The following DOCK10 variants were observed in gnomAD, a reference collection of about 807,000 sequenced individuals.
The protein encoded by DOCK10 is dedicator of cytokinesis protein 10.
In DOCK10, 145 loss-of-function variants were observed where a neutral mutation model predicts 280.1. The observed-to-expected ratio is 0.52, with a 90% confidence interval of 0.45 to 0.59. The LOEUF (loss-of-function observed/expected upper bound fraction) is 0.59. Among genes scored for constraint, DOCK10 ranks in the 20% least tolerant of loss-of-function variants. The pLI, the probability that DOCK10 is intolerant of heterozygous loss-of-function variation, is 0.00. For missense variants in DOCK10, 2,368 were observed against 2,651.7 expected, an observed-to-expected ratio of 0.89 and a Z score of 2.35; for synonymous variants, 915 against 942.2, an observed-to-expected ratio of 0.97 and a Z score of 0.53.
intron 24 of DOCK10, among the ~76,000 whole-genome samples, chr2:224,839,038 C>T (rs1037409828): frequency 1.3e-5 from 2 of 152,034 alleles, no homozygotes; most frequent in East Asian, 3.9e-4. Flanking sequence ...TTAAGAGAAA[C>T]GAAGACTTAT....
At chr2:224,806,471 G>C (rs1349961258) in intron 33 of DOCK10, among the ~76,000 whole-genome samples, 1 of 152,106 alleles carries the variant, frequency 6.6e-6, no homozygotes, top group East Asian at 1.9e-4. Context: ...CAATCTTTTA[G>C]ATACAGATAT....
intron 1 of DOCK10, among the ~76,000 whole-genome samples, chr2:225,016,510 T>A (rs1312774415): frequency 6.7e-6 from 1 of 148,976 alleles, no homozygotes; most frequent in Admixed American, 6.7e-5. Flanking sequence ...TACATATATA[T>A]GTATATATCT....
chr2:224,781,013 C>T (rs942509153), intron 50 of DOCK10, among the ~76,000 whole-genome samples: 2 of 152,100 alleles, frequency 1.3e-5, no homozygotes. Flanking sequence ...TACTGGGAGG[C>T]TGTAAGGACC....
At chr2:225,018,294 A>G (rs1575168105) in intron 1 of DOCK10, among the ~76,000 whole-genome samples, 1 of 151,634 alleles carries the variant, frequency 6.6e-6, no homozygotes, top group Admixed American at 6.6e-5. Flanking sequence ...AGAAACGCTA[A>G]CCCAGGGGTA....
chr2:224,984,827 G>A (rs565634964), intron 1 of DOCK10, among the ~76,000 whole-genome samples: 6 of 145,442 alleles, frequency 4.1e-5, no homozygotes, highest in African/African-American at 1.5e-4. Flanking sequence ...TCTGTCATAT[G>A]ACACACAGGA....
At chr2:225,034,997 T>G (rs1217162868) in intron 1 of DOCK10, among the ~76,000 whole-genome samples, 1 of 152,102 alleles carries the variant, frequency 6.6e-6, no homozygotes, top group African/African-American at 2.4e-5. Context: ...GAAGGAGAAG[T>G]TGTGAGAACT....
chr2:225,026,268 A>G (rs1000421302), intron 1 of DOCK10, among the ~76,000 whole-genome samples: 3 of 152,228 alleles, frequency 2.0e-5, no homozygotes, highest in African/African-American at 7.2e-5. Context: ...TCTGAGGGCA[A>G]TAATCAAGAA....
chr2:224,841,755 G>T, intron 23 of DOCK10, 49 bp downstream of exon 23: 1 of 1,302,482 alleles, frequency 7.7e-7, no homozygotes, highest in Non-Finnish European at 1.1e-6. Context: ...AGTCTCTTTT[G>T]CACATTTTTA....
At position 224,792,956 on chromosome 2, in the gene DOCK10, A is replaced by C; in HGVS notation, c.5311+18T>G. 1 of 1,568,598 alleles carries C rather than the reference A, an allele frequency of 6.4e-7. No individual in the cohort carries two copies. Among genetic ancestry groups the C allele is most frequent in the Non-Finnish European group, 8.8e-7 (1 of 1,140,016 alleles). ...GATTTCCTCTGCATTGGGATAAATG[A>C]GCAGTTAGGTCACTCACTTCCTCCA... On this transcript the variant is annotated intron_variant, in intron 47 of 55. Coordinates refer to ENST00000258390, the MANE Select transcript of DOCK10 (RefSeq NM_014689.3).
intron 53 of DOCK10, among the ~76,000 whole-genome samples, chr2:224,771,704 A>G (rs1475799098): frequency 2.0e-5 from 3 of 152,230 alleles, no homozygotes; most frequent in Admixed American, 6.5e-5. Flanking sequence ...AGATGCAGTC[A>G]CTGGTACTGG....
intron 1 of DOCK10, among the ~76,000 whole-genome samples, chr2:225,012,278 G>A (rs1394171634): frequency 6.6e-6 from 1 of 152,114 alleles, no homozygotes; most frequent in Non-Finnish European, 1.5e-5. Flanking sequence ...AACAGTAATC[G>A]CATATGCTCC....
At chr2:224,967,136 G>C (rs1189040880) in intron 1 of DOCK10, among the ~76,000 whole-genome samples, 1 of 150,246 alleles carries the variant, frequency 6.7e-6, no homozygotes, top group Non-Finnish European at 1.5e-5. Flanking sequence ...CTGGAGTGCA[G>C]TGGCGAGATC....
intron 2 of DOCK10, among the ~76,000 whole-genome samples, chr2:224,926,055 A>G (rs1702029336): frequency 1.3e-5 from 2 of 152,222 alleles, no homozygotes; most frequent in African/African-American, 2.4e-5. Flanking sequence ...AAAAGTAGCA[A>G]ATACAATTAT....
chr2:224,815,229 T>G (rs1462799608), intron 30 of DOCK10, among the ~76,000 whole-genome samples: 1 of 152,176 alleles, frequency 6.6e-6, no homozygotes, highest in Non-Finnish European at 1.5e-5. Context: ...AGAAGGTCCT[T>G]ACTTCCCCTT....
intron 3 of DOCK10, among the ~76,000 whole-genome samples, chr2:224,908,415 T>TGTG (rs1700803310): frequency 2.0e-4 from 28 of 141,078 alleles, no homozygotes; most frequent in African/African-American, 7.1e-4. Flanking sequence ...TCATCATCGT[T>TGTG]TGTGTGTGTG....
intron 11 of DOCK10, among the ~76,000 whole-genome samples, chr2:224,872,338 C>T (rs1698343207): frequency 2.0e-5 from 3 of 152,202 alleles, no homozygotes. Flanking sequence ...TGTGTAACCA[C>T]AACAATCACT....
chr2:224,966,852 G>C (rs1292964456), intron 1 of DOCK10, among the ~76,000 whole-genome samples: 7 of 151,812 alleles, frequency 4.6e-5, no homozygotes, highest in Admixed American at 1.3e-4. Context: ...GCGAGCTCAT[G>C]GTAATAAAGT....
In DOCK10 at chr2:224,804,156, T is replaced by C; in HGVS notation, c.4224A>G (p.Lys1408=). ...ATGTCTGGCAGGAAGGATTGGATCC[T>C]TTGAGAGTTCCATTGTTCTGGGTGG... ...VQSTQNNGTL[K]GSNPSCQTSG... The change falls in exon 39 of 56, where the codon AAA becomes AAG. Residue 1408 remains lysine, a synonymous_variant. Transcript: ENST00000258390. The C allele has an allele frequency of 6.2e-7, 1 of 1,612,214 alleles. No homozygotes were observed.
At chr2:224,882,826 A>G (rs1699053090) in intron 7 of DOCK10, among the ~76,000 whole-genome samples, 1 of 152,162 alleles carries the variant, frequency 6.6e-6, no homozygotes, top group Non-Finnish European at 1.5e-5. Context: ...AGCTTACTAG[A>G]ACTATGGTTA....
Sources: gnomAD v4.1 joint callset for allele counts (sites outside exome capture counted in the v4.1 genomes callset) on GRCh38, gnomAD v4.1.1 for gene constraint, MANE v1.5 for transcripts, NCBI Gene and HGNC (gene_info 2026-07-23, HGNC 2026-07-21) for gene names.